Variants in FOXP4 observed in about 807,000 individuals in gnomAD.
The protein encoded by FOXP4 is forkhead box protein P4.
Under a neutral mutation model 82.6 loss-of-function variants are expected in FOXP4, and 25 were observed. That is an observed-to-expected ratio of 0.30 (90% confidence interval 0.22 to 0.42). FOXP4 has a LOEUF of 0.42. Ranked by LOEUF, FOXP4 falls within the 10% of genes least tolerant of loss-of-function variation. The pLI, the probability that FOXP4 is intolerant of heterozygous loss-of-function variation, is 1.00. For missense variants in FOXP4, 785 were observed against 900.9 expected, an observed-to-expected ratio of 0.87 and a Z score of 1.65; for synonymous variants, 415 against 388.2, an observed-to-expected ratio of 1.07 and a Z score of -0.81.
intron 16 of FOXP4, 118 bp downstream of exon 16, chr6:41,598,068 G>A: frequency 1.2e-6 from 1 of 808,864 alleles, no homozygotes; most frequent in Non-Finnish European, 1.8e-6. Flanking sequence ...CTCTCCCCAG[G>A]ACAAGTGGCT....
intron 1 of FOXP4, among the ~76,000 whole-genome samples, chr6:41,547,713 G>T (rs1212866942): frequency 2.0e-5 from 3 of 152,066 alleles, no homozygotes; most frequent in African/African-American, 4.8e-5. Flanking sequence ...CTTAAGGGGG[G>T]AAGAGAGGGC....
At position 41,597,768 on chromosome 6, in the gene FOXP4, T is replaced by G; in HGVS notation, c.1726-13T>G. On this transcript the variant is annotated splice_polypyrimidine_tract_variant and intron_variant, in intron 15 of 16. Coordinates refer to ENST00000307972, the MANE Select transcript of FOXP4 (RefSeq NM_001012426.2). ...TGGAGCCACTGACGAGGCCCAACCC[T>G]GTGCCCCTGCAGGCCGCCCTGGCCG... 1 of 1,603,746 alleles carries G rather than the reference T, an allele frequency of 6.2e-7. No individual in the cohort carries two copies. Among genetic ancestry groups the G allele is most frequent in the Admixed American group, 1.7e-5 (1 of 59,584 alleles).
chr6:41,571,124 G>A (rs112387469), intron 2 of FOXP4, among the ~76,000 whole-genome samples: 4 of 152,230 alleles, frequency 2.6e-5, no homozygotes, highest in Admixed American at 2.0e-4. Context: ...AAGTGATCAC[G>A]GGAACTTTTG....
At chr6:41,569,270 C>T (rs556308706) in intron 2 of FOXP4, among the ~76,000 whole-genome samples, 13 of 152,258 alleles carry the variant, frequency 8.5e-5, no homozygotes, top group Non-Finnish European at 8.8e-5. Context: ...GGCTCCGTGC[C>T]GGCCAGCTGG....
At chr6:41,588,489 C>A (rs1766295222) in intron 8 of FOXP4, among the ~76,000 whole-genome samples, 155 bp from the exon 9 acceptor site, 1 of 152,240 alleles carries the variant, frequency 6.6e-6, no homozygotes, top group South Asian at 2.1e-4. Context: ...GAGAAGCCTT[C>A]CTCCATTGCC....
intron 3 of FOXP4, among the ~76,000 whole-genome samples, chr6:41,584,454 G>A (rs529337450): frequency 3.3e-5 from 5 of 152,234 alleles, no homozygotes; most frequent in Admixed American, 6.5e-5. Flanking sequence ...AGGACAGCCC[G>A]TCCTATGATA....
chr6:41,588,606 C>A lies in FOXP4; in HGVS notation c.978-38C>A, dbSNP rs185664248. On this transcript the variant is annotated intron_variant, in intron 8 of 16. Coordinates refer to ENST00000307972, the MANE Select transcript of FOXP4 (RefSeq NM_001012426.2). The stretch of plus-strand genomic sequence containing the variant: ...GGGAGGATGGTGGCAGCAGGGAAAC[C>A]GGAGCCAACTTTCTCTCCTCCTCTC... The A allele has an allele frequency of 1.4e-5, 22 of 1,603,684 alleles. No homozygotes were observed. The East Asian group carries it at 4.5e-4, about 33-fold the overall frequency.
At position 41,590,176 on chromosome 6, in the gene FOXP4, G is replaced by A. The variant is rs1360043948; in HGVS notation, c.1357+6G>A. ...CTGCTCCCCCATCTCCTCAGGTGAG[G>A]GTGGGCTGGGGGCTGCAGGGCGACA... is the stretch of plus-strand genomic sequence containing the variant. On this transcript the variant is annotated splice_donor_region_variant and intron_variant, in intron 11 of 16. Transcript: ENST00000307972. The A allele has an allele frequency of 5.6e-6, 9 of 1,604,844 alleles. No individual in the cohort carries two copies. Among genetic ancestry groups the A allele is most frequent in the Middle Eastern group, 1.7e-4 (1 of 6,012 alleles).
intron 15 of FOXP4, 82 bp from the exon 16 acceptor site, chr6:41,597,699 T>TG: frequency 6.7e-7 from 1 of 1,499,772 alleles, no homozygotes; most frequent in South Asian, 1.2e-5. Context: ...AGCTCTCTAG[T>TG]GGGCGGGGAA....
chr6:41,557,116 C>G (rs1417777228), intron 1 of FOXP4, among the ~76,000 whole-genome samples: 1 of 152,216 alleles, frequency 6.6e-6, no homozygotes, highest in East Asian at 1.9e-4. Flanking sequence ...GGTGAAGGCT[C>G]CCTACCCCAC....
chr6:41,573,078 A>G (rs1765287761), intron 2 of FOXP4, among the ~76,000 whole-genome samples: 1 of 152,018 alleles, frequency 6.6e-6, no homozygotes, highest in Non-Finnish European at 1.5e-5. Flanking sequence ...TCTCATTCTC[A>G]ACAGCCTTTC....
chr6:41,559,756 C>A (rs982252920), intron 1 of FOXP4, among the ~76,000 whole-genome samples: 16 of 152,142 alleles, frequency 1.1e-4, no homozygotes, highest in African/African-American at 3.9e-4. Flanking sequence ...AAACTCATAA[C>A]TAAAGTTAGT....
At chr6:41,579,847 G>A (rs1463877282) in intron 3 of FOXP4, among the ~76,000 whole-genome samples, 1 of 152,150 alleles carries the variant, frequency 6.6e-6, no homozygotes, top group Non-Finnish European at 1.5e-5. Flanking sequence ...TATACAGAGT[G>A]CTTACCATGA....
Position 41,591,151 on chromosome 6 carries a change from G to T in FOXP4, c.1435-70G>T, listed in dbSNP as rs1387723219. On this transcript the variant is annotated intron_variant, in intron 12 of 16. Coordinates refer to ENST00000307972, the MANE Select transcript of FOXP4 (RefSeq NM_001012426.2). This position sits in a 1 kb window ranked among gnomAD's most constrained non-coding sequence, Gnocchi z 4.2. The stretch of plus-strand genomic sequence containing the variant: ...CTAGGCAGAAGGGAGAGGTACTGGG[G>T]GAGGGAACCCAGGGCTGTGACCCTT... 2 of 1,292,472 alleles carry T rather than the reference G, an allele frequency of 1.5e-6. No homozygotes were observed. The highest frequency in any genetic ancestry group is 2.2e-6 in the Non-Finnish European group (2 of 909,936). The allele number at this position is 1,292,472 out of a possible 1,614,324, so 80.1% of individuals were successfully genotyped here.
intron 16 of FOXP4, among the ~76,000 whole-genome samples, chr6:41,598,423 G>A (rs1455610041): frequency 6.6e-6 from 1 of 151,954 alleles, no homozygotes; most frequent in East Asian, 1.9e-4. Context: ...TCACCGTGCT[G>A]GCCAGGCTGG....
At chr6:41,579,703 CAGAA>C (rs1478921124) in intron 3 of FOXP4, among the ~76,000 whole-genome samples, 1 of 152,168 alleles carries the variant, frequency 6.6e-6, no homozygotes, top group Non-Finnish European at 1.5e-5. Flanking sequence ...GTTTCAGAGT[CAGAA>C]AGACAGATAA....
At chr6:41,595,321 A>G (rs950725998) in intron 14 of FOXP4, among the ~76,000 whole-genome samples, 1 of 151,998 alleles carries the variant, frequency 6.6e-6, no homozygotes, top group Non-Finnish European at 1.5e-5. Flanking sequence ...ATGCCAGCCA[A>G]CGGGCCATGG....
chr6:41,600,043 C>T lies in FOXP4; in HGVS notation c.*1107C>T, dbSNP rs1220922086. On this transcript the variant is annotated 3_prime_UTR_variant, in exon 17 of 17. Coordinates refer to ENST00000307972, the MANE Select transcript of FOXP4 (RefSeq NM_001012426.2). ...CCACCCCGGCCCCAGGCTGGAAGCC[C>T]TCCCTCCACTTAAGTTATTGTTTTA... 1 of 152,784 alleles carries T rather than the reference C, an allele frequency of 6.5e-6. No homozygotes were observed. Among genetic ancestry groups the T allele is most frequent in the Non-Finnish European group, 1.5e-5 (1 of 68,102 alleles). The allele number at this position is 152,784 out of a possible 1,614,324, so 9.5% of individuals were successfully genotyped here. A position where few individuals can be genotyped will look rare whatever the true frequency, so the allele number is the denominator to read the frequency against.
intron 2 of FOXP4, among the ~76,000 whole-genome samples, chr6:41,567,707 G>A (rs531613063): frequency 7.2e-5 from 11 of 152,188 alleles, no homozygotes; most frequent in Non-Finnish European, 1.6e-4. Flanking sequence ...CTGGGGAAAT[G>A]TTTAGGGTGG....
Sources: allele counts gnomAD v4.1 joint callset (sites outside exome capture counted in the v4.1 genomes callset), GRCh38; gene constraint gnomAD v4.1.1; non-coding constraint Gnocchi (gnomAD v3.1); transcripts MANE v1.5; gene names NCBI Gene and HGNC (gene_info 2026-07-23, HGNC 2026-07-21).